ERBIN: variants seen among roughly 807,000 people sequenced by gnomAD.
ERBIN encodes erbb2 interacting protein, also known as densin-180-like protein.
ERBIN carries 60 observed loss-of-function variants against 158.4 expected under a neutral mutation model. The ratio of observed to expected loss-of-function variants is 0.38; its 90% CI spans 0.31 to 0.47. The LOEUF (loss-of-function observed/expected upper bound fraction) is 0.47, where lower values mean the gene tolerates loss of function less well. Among genes scored for constraint, ERBIN ranks in the 20% least tolerant of loss-of-function variants. The pLI is 0.99. For synonymous variants in ERBIN, 594 were observed against 557.2 expected (o/e 1.07, Z -0.93); for missense variants, 1,610 against 1,648.0 (o/e 0.98, Z 0.40).
intron 21 of ERBIN, among the ~76,000 whole-genome samples, chr5:66,063,053 A>G (rs1338735224): frequency 3.3e-5 from 5 of 151,992 alleles, no homozygotes; most frequent in Admixed American, 1.3e-4. Context: ...GAGAACCACT[A>G]CTCTCTTCAA....
In ERBIN at chr5:66,052,144, T is replaced by C. The variant is rs547327862; in HGVS notation, c.2087+1178T>C. On this transcript the variant is annotated intron_variant, in intron 20 of 25. Coordinates refer to ENST00000284037, the MANE Select transcript of ERBIN (RefSeq NM_001253697.2). The stretch of plus-strand genomic sequence containing the variant: ...CTTGCGAGGTTTAGGCCTCAGTGAG[T>C]CATGATCAGGCTACTGCACTCCAGC... Among the ~76,000 whole-genome samples, 41 of 147,774 alleles carry C rather than the reference T, an allele frequency of 2.8e-4. 1 individual carries two copies. The highest frequency in any genetic ancestry group is 1.0e-3 in the African/African-American group (40 of 39,760).
intron 21 of ERBIN, 83 bp downstream of exon 21, chr5:66,055,034 T>C (rs1236788150): frequency 3.5e-6 from 5 of 1,443,892 alleles, no homozygotes; most frequent in Non-Finnish European, 3.6e-6. Context: ...TTCTCTGAAT[T>C]ACTGATTATC....
At chr5:65,929,709 C>T (rs1228029953) in intron 1 of ERBIN, among the ~76,000 whole-genome samples, 3 of 147,362 alleles carry the variant, frequency 2.0e-5, no homozygotes, top group African/African-American at 7.6e-5. Context: ...GGCACAATCT[C>T]GACTCACCAC....
intron 24 of ERBIN, 79 bp downstream of exon 24, chr5:66,076,487 T>TA (rs1761995876): frequency 9.3e-7 from 1 of 1,074,598 alleles, no homozygotes; most frequent in Non-Finnish European, 1.4e-6. Flanking sequence ...AGTGAAAATC[T>TA]AATAGATGTT....
intron 4 of ERBIN, among the ~76,000 whole-genome samples, chr5:65,999,847 A>G (rs1347889858): frequency 2.0e-5 from 3 of 152,214 alleles, no homozygotes; most frequent in African/African-American, 7.2e-5. Context: ...TGCCTGATAC[A>G]TTCCAAAGTA....
At chr5:66,045,407 T>G (rs2151209415) in intron 17 of ERBIN, among the ~76,000 whole-genome samples, 1 of 147,002 alleles carries the variant, frequency 6.8e-6, no homozygotes, top group East Asian at 1.9e-4. Flanking sequence ...CTATATTACA[T>G]ATAGCCTATA....
At chr5:66,005,096 A>ATT (rs1753450068) in intron 4 of ERBIN, among the ~76,000 whole-genome samples, 2 of 152,202 alleles carry the variant, frequency 1.3e-5, no homozygotes, top group South Asian at 4.1e-4. Flanking sequence ...ATATATATAT[A>ATT]GACAGGAACT....
intron 7 of ERBIN, among the ~76,000 whole-genome samples, chr5:66,019,808 A>G (rs1180255143): frequency 2.0e-5 from 3 of 152,166 alleles, no homozygotes; most frequent in African/African-American, 7.2e-5. Flanking sequence ...TATGTGCTCA[A>G]TAGTTACATG....
chr5:65,936,568 A>G (rs1580067105), intron 1 of ERBIN, among the ~76,000 whole-genome samples: 1 of 152,324 alleles, frequency 6.6e-6, no homozygotes, highest in South Asian at 2.1e-4. Flanking sequence ...CAGGGACCCT[A>G]GGAGTCATCT....
intron 24 of ERBIN, 125 bp from the exon 25 acceptor site, chr5:66,076,750 G>T: frequency 1.4e-6 from 1 of 714,918 alleles, no homozygotes; most frequent in East Asian, 2.7e-5. Flanking sequence ...ATTACTCAGA[G>T]AAGTCAGGGA....
intron 1 of ERBIN, among the ~76,000 whole-genome samples, chr5:65,981,666 T>G (rs1425173749): frequency 6.6e-6 from 1 of 152,162 alleles, no homozygotes; most frequent in Non-Finnish European, 1.5e-5. Flanking sequence ...AAAAAACAAT[T>G]GTTTTAGGTA....
intron 1 of ERBIN, chr5:65,961,049 TA>T (rs1747850645): frequency 6.6e-6 from 1 of 152,232 alleles, no homozygotes; most frequent in African/African-American, 2.4e-5. Flanking sequence ...TAATTTCCAT[TA>T]AAAGGGAAAA....
At chr5:65,932,070 G>A (rs540871264) in intron 1 of ERBIN, among the ~76,000 whole-genome samples, 112 of 151,958 alleles carry the variant, frequency 7.4e-4, no homozygotes, top group Non-Finnish European at 1.3e-3. Flanking sequence ...TGCCCGCCTC[G>A]GCCTCCCAAA....
At position 66,043,070 on chromosome 5, in the gene ERBIN, T is replaced by C; in HGVS notation, c.1307-7T>C. 5.7e-6 allele frequency: 9 copies of C among 1,573,218 alleles called. No homozygotes were observed. Among genetic ancestry groups the C allele is most frequent in the Non-Finnish European group, 7.8e-6 (9 of 1,156,452 alleles). ...ATAGTAGGTTTTTGTTTTTTACTTT[T>C]CTCTAGTTATGTTTATATCAGATAA... On this transcript the variant is annotated splice_polypyrimidine_tract_variant and splice_region_variant and intron_variant, in intron 15 of 25. Coordinates refer to ENST00000284037, the MANE Select transcript of ERBIN (RefSeq NM_001253697.2).
intron 21 of ERBIN, 173 bp downstream of exon 21, chr5:66,055,124 A>G (rs531046207): frequency 3.6e-6 from 5 of 1,385,674 alleles, no homozygotes; most frequent in Admixed American, 3.1e-5. Flanking sequence ...TTGGGATGAT[A>G]ATGTGTGTTT....
intron 21 of ERBIN, among the ~76,000 whole-genome samples, chr5:66,059,158 C>T (rs1269665262): frequency 6.6e-6 from 1 of 152,152 alleles, no homozygotes; most frequent in Non-Finnish European, 1.5e-5. Flanking sequence ...ATTGATTCTT[C>T]CTACCCATGA....
chr5:66,018,480 T>A (rs1045887401), intron 7 of ERBIN, among the ~76,000 whole-genome samples: 75 of 5,480 alleles, frequency 0.014, 10 homozygotes, highest in South Asian at 0.022. Context: ...ATATTATATA[T>A]TATATATTAT....
chr5:66,037,463 T>C (rs1449271430), intron 14 of ERBIN, among the ~76,000 whole-genome samples: 1 of 152,078 alleles, frequency 6.6e-6, no homozygotes. Context: ...AGCACTGTCT[T>C]TGGGAAGGGA....
At chr5:66,028,368 A>G (rs1192273049) in intron 14 of ERBIN, 25 bp downstream of exon 14, 2 of 1,583,638 alleles carry the variant, frequency 1.3e-6, no homozygotes, top group Non-Finnish European at 1.7e-6. Flanking sequence ...TTTATAAGTT[A>G]ATGGAGTTCT....
Sources: gnomAD v4.1 joint callset for allele counts (sites outside exome capture counted in the v4.1 genomes callset) on GRCh38, gnomAD v4.1.1 for gene constraint, MANE v1.5 for transcripts, NCBI Gene and HGNC (gene_info 2026-07-23, HGNC 2026-07-21) for gene names.